KIRREL1: variants seen among roughly 807,000 people sequenced by gnomAD.
KIRREL1 encodes the protein kin of IRRE-like protein 1.
In KIRREL1, 25 loss-of-function variants were observed where a neutral mutation model predicts 83.3. The observed-to-expected ratio is 0.30, with a 90% confidence interval of 0.22 to 0.42. The LOEUF is 0.42. Among genes scored for constraint, KIRREL1 ranks in the 10% least tolerant of loss-of-function variants. The pLI is 1.00. For synonymous variants in KIRREL1, 388 were observed against 410.4 expected (o/e 0.95, Z 0.66); for missense variants, 812 against 1,032.3 (o/e 0.79, Z 2.92).
chr1:158,046,070 A>G (rs1660770339), intron 1 of KIRREL1, among the ~76,000 whole-genome samples: 1 of 152,216 alleles, frequency 6.6e-6, no homozygotes, highest in South Asian at 2.1e-4. Context: ...TTTTAACAGA[A>G]TTGCTTTGGG....
chr1:158,030,541 A>T (rs1033316581), intron 1 of KIRREL1, among the ~76,000 whole-genome samples: 1 of 152,192 alleles, frequency 6.6e-6, no homozygotes, highest in East Asian at 1.9e-4. Flanking sequence ...AGGCCGTCGC[A>T]TATCTTAGCT....
chr1:158,080,811 C>T (rs192412729), intron 3 of KIRREL1, among the ~76,000 whole-genome samples: 6 of 152,318 alleles, frequency 3.9e-5, no homozygotes, highest in African/African-American at 1.2e-4. Flanking sequence ...AAACACCCTG[C>T]CACCTGCAGC....
intron 1 of KIRREL1, among the ~76,000 whole-genome samples, chr1:158,011,940 A>C (rs1261411219): frequency 6.6e-6 from 1 of 151,372 alleles, no homozygotes; most frequent in Non-Finnish European, 1.5e-5. Flanking sequence ...TTGAGCTCTC[A>C]GTTTCTTTCT....
At chr1:158,086,772 G>A in intron 5 of KIRREL1, 26 bp downstream of exon 5, 5 of 1,521,392 alleles carry the variant, frequency 3.3e-6, no homozygotes, top group Non-Finnish European at 3.6e-6. Flanking sequence ...GGAGCAGTCT[G>A]GAGCAGGGGG....
chr1:158,046,616 G>A (rs984171011), intron 1 of KIRREL1, among the ~76,000 whole-genome samples: 1 of 151,734 alleles, frequency 6.6e-6, no homozygotes, highest in African/African-American at 2.4e-5. Context: ...GGAGGAGGAG[G>A]TTGTGGAGCA....
Position 158,089,726 on chromosome 1 carries a change from A to G in KIRREL1, c.1180A>G (p.Ile394Val). 1 of 1,614,102 alleles carries G rather than the reference A, an allele frequency of 6.2e-7. No individual in the cohort carries two copies. The highest frequency in any genetic ancestry group is 8.5e-7 in the Non-Finnish European group (1 of 1,180,018). ...TGTCTTCTTGCTTGCAGGGCCCCCCATCATCTCCAGTGAGGCAGTGCAGTA... is the reference window on the plus strand; with the variant it reads ...TGTCTTCTTGCTTGCAGGGCCCCCCGTCATCTCCAGTGAGGCAGTGCAGTA... ...EVPLYVNGPP[I>V]ISSEAVQYAV... Residue 394 changes from isoleucine to valine, a missense_variant, in exon 10 of 15, where the codon ATC becomes GTC. Physicochemically the swap from Ile to Val is conservative, Grantham distance 29. Transcript: ENST00000359209.
At chr1:158,089,987 C>T (rs1313253233) in intron 10 of KIRREL1, among the ~76,000 whole-genome samples, 169 bp downstream of exon 10, 1 of 152,148 alleles carries the variant, frequency 6.6e-6, no homozygotes, top group African/African-American at 2.4e-5. Flanking sequence ...AATCCCACCT[C>T]CTCCCTTACT....
chr1:158,042,212 G>GATGT (rs1660648255), intron 1 of KIRREL1, among the ~76,000 whole-genome samples: 2 of 137,652 alleles, frequency 1.5e-5, no homozygotes, highest in Non-Finnish European at 3.1e-5. Context: ...TCTTCTCCAG[G>GATGT]GTGTGTGTGT....
At chr1:158,032,047 C>G (rs1462298358) in intron 1 of KIRREL1, among the ~76,000 whole-genome samples, 1 of 151,980 alleles carries the variant, frequency 6.6e-6, no homozygotes, top group African/African-American at 2.4e-5. Flanking sequence ...CAACTGCACT[C>G]CAGCCTGGGC....
chr1:158,096,462 G>A lies in KIRREL1; in HGVS notation c.*1342G>A, dbSNP rs1016878467. ...GATGACCGACCCTATGTGGGCGGTTGTGTGGGGAGTGGGTACTTGTGAGCC... is the reference window on the plus strand; with the variant it reads ...GATGACCGACCCTATGTGGGCGGTTATGTGGGGAGTGGGTACTTGTGAGCC... On this transcript the variant is annotated 3_prime_UTR_variant, in exon 15 of 15. Transcript: ENST00000359209. 1.8e-5 allele frequency: 7 copies of A among 398,588 alleles called. No individual in the cohort carries two copies. The highest frequency in any genetic ancestry group is 4.3e-4 in the Middle Eastern group (1 of 2,350). 24.7% of individuals were successfully genotyped at this position (398,588 alleles called of 1,614,324 possible).
chr1:158,086,249 A>G (rs1026260500), intron 4 of KIRREL1, among the ~76,000 whole-genome samples: 1 of 152,062 alleles, frequency 6.6e-6, no homozygotes, highest in Admixed American at 6.6e-5. Context: ...AAACTGCTCC[A>G]AAAGATAGTC....
In KIRREL1 at chr1:158,014,687, G is replaced by C. The variant is rs866135766; in HGVS notation, c.52+20959G>C. Reference sequence around the variant, plus strand: ...AGAGAAATATAGTCTTTATGGGGGGGGGGGGGCGGGGGGAAGGAGGTTTTA... The same window carrying C: ...AGAGAAATATAGTCTTTATGGGGGGCGGGGGGCGGGGGGAAGGAGGTTTTA... On this transcript the variant is annotated intron_variant, in intron 1 of 14. Transcript: ENST00000359209. Among the ~76,000 whole-genome samples, 117 of 150,442 alleles carry C rather than the reference G, an allele frequency of 7.8e-4. 1 individual carries two copies. The highest frequency in any genetic ancestry group is 2.6e-3 in the African/African-American group (108 of 41,052).
intron 1 of KIRREL1, among the ~76,000 whole-genome samples, chr1:158,054,212 C>CAAA (rs57034495): frequency 1.0e-3 from 88 of 85,032 alleles, no homozygotes; most frequent in Non-Finnish European, 1.3e-3. Flanking sequence ...GACTCCATCT[C>CAAA]AAAAAAAAAA....
In KIRREL1 at chr1:158,089,550, G is replaced by T; in HGVS notation, c.1093G>T (p.Asp365Tyr). The T allele has an allele frequency of 1.2e-6, 2 of 1,614,208 alleles. No individual in the cohort carries two copies. Among genetic ancestry groups the T allele is most frequent in the South Asian group, 1.1e-5 (1 of 91,086 alleles). ...QLLLKSVTQA[D>Y]AGTYTCRAIV... Reference sequence around the variant, plus strand: ...GCTGCTGAAGTCGGTGACTCAGGCAGACGCTGGCACCTACACCTGCCGGGC... The same window carrying T: ...GCTGCTGAAGTCGGTGACTCAGGCATACGCTGGCACCTACACCTGCCGGGC... The change falls in exon 9 of 15, where the codon GAC becomes TAC. Residue 365 changes from aspartate (D) to tyrosine (Y), a missense_variant. Asp to Tyr is a radical substitution (Grantham distance 160). This residue lies in a region of KIRREL1 where 472 missense variants were observed against 626.8 expected (regional missense o/e 0.75). Transcript: ENST00000359209.
At chr1:158,058,453 T>G (rs1661126099) in intron 1 of KIRREL1, among the ~76,000 whole-genome samples, 1 of 152,170 alleles carries the variant, frequency 6.6e-6, no homozygotes, top group Admixed American at 6.5e-5. Flanking sequence ...TGGCTGTCAC[T>G]GAGAAATGCC....
At chr1:158,071,729 G>A (rs1195317618) in intron 1 of KIRREL1, among the ~76,000 whole-genome samples, 1 of 152,152 alleles carries the variant, frequency 6.6e-6, no homozygotes, top group African/African-American at 2.4e-5. Flanking sequence ...CGCAGGCATA[G>A]GGACGGGATT....
intron 1 of KIRREL1, among the ~76,000 whole-genome samples, chr1:157,997,092 G>A (rs571794137): frequency 5.9e-5 from 9 of 152,312 alleles, no homozygotes; most frequent in Admixed American, 3.3e-4. Context: ...GGTGGTAAGT[G>A]CCCCTTAAAT....
chr1:158,077,550 C>G (rs1661714772), intron 2 of KIRREL1, among the ~76,000 whole-genome samples: 1 of 152,214 alleles, frequency 6.6e-6, no homozygotes, highest in Non-Finnish European at 1.5e-5. Context: ...CTCCCTGGGC[C>G]TGCCTTGGGC....
chr1:158,011,508 C>T (rs1296510111), intron 1 of KIRREL1, among the ~76,000 whole-genome samples: 1 of 152,152 alleles, frequency 6.6e-6, no homozygotes, highest in African/African-American at 2.4e-5. Flanking sequence ...TTGGGCACTT[C>T]AGGATTCTCT....
Sources: allele counts gnomAD v4.1 joint callset (sites outside exome capture counted in the v4.1 genomes callset), GRCh38; gene constraint gnomAD v4.1.1; regional missense constraint gnomAD v4.1.1; transcripts MANE v1.5; gene names NCBI Gene and HGNC (gene_info 2026-07-23, HGNC 2026-07-21).